The following RYR2 variants were observed in gnomAD, a reference collection of about 807,000 sequenced individuals.
RYR2 encodes the protein ryanodine receptor 2, also known as cardiac muscle ryanodine receptor-calcium release channel.
In RYR2, 227 loss-of-function variants were observed where a neutral mutation model predicts 601.1. The ratio of observed to expected loss-of-function variants is 0.38; its 90% CI spans 0.34 to 0.42. The LOEUF (loss-of-function observed/expected upper bound fraction) is 0.42. Ranked by LOEUF, RYR2 falls within the 10% of genes least tolerant of loss-of-function variation. RYR2 has a pLI of 1.00. For synonymous variants in RYR2, 2,223 were observed against 2,175.1 expected, an observed-to-expected ratio of 1.02 and a Z score of -0.61; for missense variants, 4,646 against 6,156.5, an observed-to-expected ratio of 0.75 and a Z score of 8.21.
chr1:237,685,377 G>T (rs1038998416), intron 62 of RYR2, among the ~76,000 whole-genome samples: 1 of 152,172 alleles, frequency 6.6e-6, no homozygotes, highest in African/African-American at 2.4e-5. Flanking sequence ...AATCAGCAGA[G>T]ATTGTCAAGT....
Position 237,628,021 on chromosome 1 carries a change from GTCC to G in RYR2, c.6382_6384del (p.Ser2128del). ...TGCTGGCATCCCTTGGTCAGATTCG[GTCC>G]CTGCTGAGTGTGAGAATGGGCAAAG... On this transcript the variant is annotated inframe_deletion, in exon 41 of 105. Transcript: ENST00000366574. 6.2e-7 allele frequency: 1 copy of G among 1,613,898 alleles called. No homozygotes were observed. The highest frequency in any genetic ancestry group is 8.5e-7 in the Non-Finnish European group (1 of 1,179,880).
chr1:237,657,500 A>T (rs530327144), intron 53 of RYR2, among the ~76,000 whole-genome samples: 3 of 152,020 alleles, frequency 2.0e-5, no homozygotes, highest in East Asian at 3.9e-4. Flanking sequence ...AGCAGGAGTT[A>T]ATTATTTTCC....
intron 29 of RYR2, among the ~76,000 whole-genome samples, chr1:237,586,286 G>A (rs1388056638): frequency 6.6e-6 from 1 of 152,114 alleles, no homozygotes; most frequent in African/African-American, 2.4e-5. Context: ...TTTAATGGCT[G>A]CACGTATTTA....
At chr1:237,572,600 A>C (rs1428627611) in intron 29 of RYR2, among the ~76,000 whole-genome samples, 2 of 152,222 alleles carry the variant, frequency 1.3e-5, no homozygotes, top group Admixed American at 6.5e-5. Flanking sequence ...TATCTCTATC[A>C]TAGAGTTAAC....
At chr1:237,781,364 T>TAAAGA (rs1695097067) in intron 88 of RYR2, among the ~76,000 whole-genome samples, 3 of 152,356 alleles carry the variant, frequency 2.0e-5, no homozygotes, top group Admixed American at 1.3e-4. Flanking sequence ...ACAAATACTT[T>TAAAGA]AAAGAACATG....
intron 48 of RYR2, among the ~76,000 whole-genome samples, chr1:237,644,295 C>T (rs576970193): frequency 3.8e-4 from 58 of 152,138 alleles, no homozygotes; most frequent in South Asian, 1.9e-3. Flanking sequence ...TGCAGTGGCG[C>T]GATCTTGGCT....
At chr1:237,061,238 TATCTATCTATCTATC>T (rs1276488997) in intron 1 of RYR2, among the ~76,000 whole-genome samples, 1 of 146,184 alleles carries the variant, frequency 6.8e-6, no homozygotes, top group Admixed American at 6.8e-5. Context: ...TCTATCTATC[TATCTATCTATCTATC>T]ATCTATCTAT....
intron 10 of RYR2, among the ~76,000 whole-genome samples, chr1:237,394,749 C>T (rs1702671462): frequency 6.6e-6 from 1 of 152,154 alleles, no homozygotes. Context: ...AAGGCCCTGC[C>T]ACTATCTTTC....
At chr1:237,810,936 C>T (rs1464132226) in intron 100 of RYR2, among the ~76,000 whole-genome samples, 1 of 152,006 alleles carries the variant, frequency 6.6e-6, no homozygotes, top group African/African-American at 2.4e-5. Context: ...ATATGCATAA[C>T]ATTTTTCTGG....
intron 6 of RYR2, among the ~76,000 whole-genome samples, chr1:237,372,276 C>G (rs955182417): frequency 6.6e-6 from 1 of 152,098 alleles, no homozygotes; most frequent in African/African-American, 2.4e-5. Flanking sequence ...GATAAGAAAA[C>G]TTGTGATCAT....
intron 1 of RYR2, among the ~76,000 whole-genome samples, chr1:237,209,662 G>A (rs1228516237): frequency 6.6e-6 from 1 of 151,986 alleles, no homozygotes; most frequent in Non-Finnish European, 1.5e-5. Context: ...AGACCAGGCT[G>A]GGCAATATAG....
intron 1 of RYR2, among the ~76,000 whole-genome samples, chr1:237,070,211 A>C (rs1664152913): frequency 6.6e-6 from 1 of 151,314 alleles, no homozygotes; most frequent in African/African-American, 2.4e-5. Flanking sequence ...TTAACTTTTT[A>C]CCTTTCTATT....
At chr1:237,338,142 C>A (rs909951047) in intron 3 of RYR2, among the ~76,000 whole-genome samples, 2 of 152,098 alleles carry the variant, frequency 1.3e-5, no homozygotes, top group Admixed American at 6.5e-5. Flanking sequence ...TGTGGGCTAC[C>A]CTATCATGGA....
intron 12 of RYR2, among the ~76,000 whole-genome samples, chr1:237,440,911 T>C (rs1206912328): frequency 6.6e-6 from 1 of 152,010 alleles, no homozygotes; most frequent in African/African-American, 2.4e-5. Context: ...ATTAACTTGC[T>C]AACATCTTAG....
chr1:237,359,707 C>T (rs1286414657), intron 4 of RYR2, among the ~76,000 whole-genome samples: 1 of 152,134 alleles, frequency 6.6e-6, no homozygotes, highest in Non-Finnish European at 1.5e-5. Flanking sequence ...TTCTCTCCAT[C>T]ATCACTGTCT....
intron 38 of RYR2, among the ~76,000 whole-genome samples, chr1:237,619,467 C>G (rs1678835932): frequency 6.6e-6 from 1 of 152,018 alleles, no homozygotes; most frequent in Non-Finnish European, 1.5e-5. Flanking sequence ...ATATCAACTA[C>G]CCCATCTGAA....
chr1:237,111,364 G>C (rs1268791848), intron 1 of RYR2, among the ~76,000 whole-genome samples: 1 of 152,146 alleles, frequency 6.6e-6, no homozygotes, highest in Non-Finnish European at 1.5e-5. Flanking sequence ...AAGGCAGGTG[G>C]ATCACTTGAG....
intron 84 of RYR2, among the ~76,000 whole-genome samples, chr1:237,761,871 T>G (rs1693459576): frequency 6.6e-6 from 1 of 152,226 alleles, no homozygotes; most frequent in Non-Finnish European, 1.5e-5. Flanking sequence ...TTTGGAACAT[T>G]GGGTCTTTTA....
rs760338814 is a variant in RYR2 at position 237,702,051 on chromosome 1, C to T, written c.9441C>T (p.Tyr3147=). ...LYALGTSKSI[Y]VERQRSALGE... ...CTTTGGGAACCAGCAAGAGTATTTACGTGGAGAGGTAAGAATGTTTAAAGT... is the reference window on the plus strand; with the variant it reads ...CTTTGGGAACCAGCAAGAGTATTTATGTGGAGAGGTAAGAATGTTTAAAGT... The change falls in exon 66 of 105, where the codon TAC becomes TAT. Residue 3147 remains tyrosine, a synonymous_variant. Coordinates refer to ENST00000366574, the MANE Select transcript of RYR2 (RefSeq NM_001035.3). 2.1e-5 allele frequency: 33 copies of T among 1,581,296 alleles called. No individual in the cohort carries two copies. The highest frequency in any genetic ancestry group is 2.7e-5 in the African/African-American group (2 of 74,206).
Sources: gnomAD v4.1 joint callset for allele counts (sites outside exome capture counted in the v4.1 genomes callset) on GRCh38, gnomAD v4.1.1 for gene constraint, MANE v1.5 for transcripts, NCBI Gene and HGNC (gene_info 2026-07-23, HGNC 2026-07-21) for gene names.